The following CADM2 variants were observed in gnomAD, a reference collection of about 807,000 sequenced individuals.
The protein encoded by CADM2 is immunoglobulin superfamily member 4D.
In CADM2, 12 loss-of-function variants were observed where a neutral mutation model predicts 49.8. The observed-to-expected ratio is 0.24, with a 90% CI of 0.15 to 0.39. The LOEUF is 0.39. Ranked by LOEUF, CADM2 falls within the 10% of genes least tolerant of loss-of-function variation. CADM2 has a pLI of 1.00. For missense variants in CADM2, 378 were observed against 492.3 expected (o/e 0.77, Z 2.20); for synonymous variants, 214 against 175.4 (o/e 1.22, Z -1.74).
intron 8 of CADM2, among the ~76,000 whole-genome samples, chr3:85,995,017 A>AAAAAAAAAAC (rs1729207676): frequency 1.3e-5 from 2 of 149,408 alleles, no homozygotes; most frequent in East Asian, 3.9e-4. Context: ...GATTTGTTAA[A>AAAAAAAAAAC]AAAAAAAAAA....
At position 85,630,819 on chromosome 3, in the gene CADM2, C is replaced by A. The variant is rs914375210; in HGVS notation, c.62-95703C>A. On this transcript the variant is annotated intron_variant, in intron 1 of 9. Coordinates refer to ENST00000383699, the MANE Select transcript of CADM2 (RefSeq NM_001167675.2). ...TAGGTTTTCACCTTTAATCACATTT[C>A]TCTATATAACTCCCTCTCCACAGAG... Among the ~76,000 whole-genome samples, 3 of 151,952 alleles carry A rather than the reference C, an allele frequency of 2.0e-5. No homozygotes were observed. In the East Asian group the frequency reaches 5.8e-4, roughly 29 times the overall value.
intron 1 of CADM2, among the ~76,000 whole-genome samples, chr3:85,052,744 T>C (rs953804044): frequency 1.8e-4 from 28 of 152,086 alleles, no homozygotes; most frequent in African/African-American, 6.5e-4. Context: ...TTAAAACCAT[T>C]CTACTTTTAA....
intron 1 of CADM2, among the ~76,000 whole-genome samples, chr3:85,725,278 T>C (rs776819701): frequency 6.6e-6 from 1 of 151,980 alleles, no homozygotes; most frequent in African/African-American, 2.4e-5. Flanking sequence ...ACAAAAATTA[T>C]CTGTAAGTAG....
At chr3:85,031,538 G>A (rs1032153289) in intron 1 of CADM2, among the ~76,000 whole-genome samples, 1 of 151,952 alleles carries the variant, frequency 6.6e-6, no homozygotes, top group Non-Finnish European at 1.5e-5. Flanking sequence ...ATTTTGAGAC[G>A]GAGTCTCGCT....
chr3:85,418,701 C>G (rs981113833), intron 1 of CADM2, among the ~76,000 whole-genome samples: 1 of 152,128 alleles, frequency 6.6e-6, no homozygotes. Flanking sequence ...TTGAAACATT[C>G]ATAAATAGAG....
At chr3:85,439,155 C>CTTTTTTTTTTTTTTTTTTTT (rs373522509) in intron 1 of CADM2, among the ~76,000 whole-genome samples, 1 of 141,052 alleles carries the variant, frequency 7.1e-6, no homozygotes, top group Non-Finnish European at 1.5e-5. Context: ...CTTATAATGA[C>CTTTTTTTTTTTTTTTTTTTT]TTTTTTTTTT....
chr3:85,370,933 T>TA (rs1451132037), intron 1 of CADM2, among the ~76,000 whole-genome samples: 3 of 152,098 alleles, frequency 2.0e-5, no homozygotes, highest in Non-Finnish European at 4.4e-5. Context: ...CAAAAGAGTT[T>TA]AAAAAATCAA....
At chr3:85,278,177 G>A (rs1251386926) in intron 1 of CADM2, among the ~76,000 whole-genome samples, 1 of 151,092 alleles carries the variant, frequency 6.6e-6, no homozygotes, top group Admixed American at 6.6e-5. Flanking sequence ...AAACTAGTAG[G>A]TACCTAATGA....
Position 85,140,914 on chromosome 3 carries a change from C to G in CADM2, c.61+181246C>G, listed in dbSNP as rs547283013. On this transcript the variant is annotated intron_variant, in intron 1 of 9. Transcript: ENST00000383699. ...TGTTCTCCTCCTTAGGGTGGGGAAC[C>G]CAGAGACTTGTGTCTTGAGAGTACA... Among the ~76,000 whole-genome samples, 18 of 152,088 alleles carry G rather than the reference C, an allele frequency of 1.2e-4. No individual in the cohort carries two copies. The East Asian group carries it at 3.5e-3, about 29-fold the overall frequency.
intron 8 of CADM2, among the ~76,000 whole-genome samples, chr3:86,040,862 A>G (rs954603001): frequency 6.6e-6 from 1 of 152,256 alleles, no homozygotes; most frequent in African/African-American, 2.4e-5. Flanking sequence ...AGTGAAGCCC[A>G]TCAGACTAAC....
chr3:85,395,090 G>A (rs1049961699), intron 1 of CADM2, among the ~76,000 whole-genome samples: 3 of 151,310 alleles, frequency 2.0e-5, no homozygotes, highest in African/African-American at 4.9e-5. Context: ...ACGAATGCAC[G>A]CCTGGGATAC....
intron 3 of CADM2, among the ~76,000 whole-genome samples, chr3:85,824,514 C>A (rs1299010812): frequency 6.6e-6 from 1 of 152,028 alleles, no homozygotes; most frequent in Non-Finnish European, 1.5e-5. Context: ...GGAGGTCTAG[C>A]TGGCACTGTT....
At chr3:85,638,913 T>C (rs1326249197) in intron 1 of CADM2, among the ~76,000 whole-genome samples, 3 of 152,140 alleles carry the variant, frequency 2.0e-5, no homozygotes, top group Non-Finnish European at 4.4e-5. Context: ...AAAGGTTTTT[T>C]CTGTTTTTGT....
At chr3:85,624,333 T>C (rs1283759182) in intron 1 of CADM2, among the ~76,000 whole-genome samples, 5 of 152,104 alleles carry the variant, frequency 3.3e-5, no homozygotes, top group Non-Finnish European at 7.4e-5. Flanking sequence ...TTATAGAAAC[T>C]CTTTTTTAAT....
At chr3:85,849,468 A>T (rs2075007661) in intron 3 of CADM2, among the ~76,000 whole-genome samples, 1 of 152,182 alleles carries the variant, frequency 6.6e-6, no homozygotes, top group Admixed American at 6.5e-5. Context: ...CATATCTGGA[A>T]TTTCAAAATA....
chr3:85,218,994 C>G (rs1025306989), intron 1 of CADM2, among the ~76,000 whole-genome samples: 1 of 152,050 alleles, frequency 6.6e-6, no homozygotes, highest in Non-Finnish European at 1.5e-5. Context: ...GATTGCCTCG[C>G]ATATCATGAA....
At chr3:85,471,290 G>A (rs1407636726) in intron 1 of CADM2, among the ~76,000 whole-genome samples, 2 of 152,054 alleles carry the variant, frequency 1.3e-5, no homozygotes, top group Non-Finnish European at 2.9e-5. Flanking sequence ...CCAGCTTCCA[G>A]GAAGTAGAAA....
intron 5 of CADM2, among the ~76,000 whole-genome samples, chr3:85,892,869 TGC>T (rs1348547245): frequency 4.6e-5 from 7 of 152,116 alleles, no homozygotes; most frequent in Non-Finnish European, 8.8e-5. Context: ...AATTTAGACT[TGC>T]CTACAGACTT....
At chr3:85,112,927 AT>A (rs1356729743) in intron 1 of CADM2, among the ~76,000 whole-genome samples, 1 of 151,742 alleles carries the variant, frequency 6.6e-6, no homozygotes, top group East Asian at 1.9e-4. Context: ...TTTATCATAT[AT>A]TTTATATGTA....
Sources: gnomAD v4.1 joint callset for allele counts (sites outside exome capture counted in the v4.1 genomes callset) on GRCh38, gnomAD v4.1.1 for gene constraint, MANE v1.5 for transcripts, NCBI Gene and HGNC (gene_info 2026-07-23, HGNC 2026-07-21) for gene names.